The following CDH13 variants were observed in gnomAD, a reference collection of about 807,000 sequenced individuals.
CDH13 encodes cadherin-13.
Under a neutral mutation model 63.8 loss-of-function variants are expected in CDH13, and 24 were observed. The observed-to-expected ratio is 0.38, with a 90% CI of 0.27 to 0.53. The LOEUF is 0.53. CDH13 is among the 20% of genes least tolerant of loss of function. CDH13 has a pLI of 0.85. For synonymous variants in CDH13, 503 were observed against 355.3 expected (o/e 1.42, Z -4.67); for missense variants, 1,049 against 903.1 (o/e 1.16, Z -2.07).
intron 10 of CDH13, among the ~76,000 whole-genome samples, chr16:83,728,622 T>G (rs1189176591): frequency 6.6e-6 from 1 of 152,138 alleles, no homozygotes; most frequent in Admixed American, 6.5e-5. Context: ...AATAAGCGTG[T>G]CTCTCGGCCT....
intron 4 of CDH13, among the ~76,000 whole-genome samples, chr16:83,129,920 T>G (rs893037521): frequency 1.3e-5 from 2 of 152,198 alleles, no homozygotes; most frequent in Non-Finnish European, 2.9e-5. Flanking sequence ...TTTCCTGAAC[T>G]AGCATTCTCA....
intron 10 of CDH13, among the ~76,000 whole-genome samples, chr16:83,693,217 G>T (rs1873915055): frequency 6.6e-6 from 1 of 152,176 alleles, no homozygotes; most frequent in Non-Finnish European, 1.5e-5. Context: ...ATCTCTCTGG[G>T]CCTCAGTGTC....
chr16:82,707,375 C>G (rs963961816), intron 1 of CDH13, among the ~76,000 whole-genome samples: 5 of 152,152 alleles, frequency 3.3e-5, no homozygotes, highest in African/African-American at 1.2e-4. Flanking sequence ...AGGTGCAATA[C>G]AGGCACTGGC....
chr16:83,463,346 T>G (rs1567689538), intron 6 of CDH13, among the ~76,000 whole-genome samples: 1 of 152,172 alleles, frequency 6.6e-6, no homozygotes, highest in Admixed American at 6.5e-5. Context: ...TTTCTTCCCA[T>G]TATCTCTATC....
intron 1 of CDH13, among the ~76,000 whole-genome samples, chr16:82,725,402 G>A (rs995719712): frequency 1.3e-5 from 2 of 152,152 alleles, no homozygotes; most frequent in African/African-American, 4.8e-5. Flanking sequence ...TGGACTGTCT[G>A]GCTTACAAGC....
At chr16:83,311,218 C>G (rs2089992958) in intron 5 of CDH13, among the ~76,000 whole-genome samples, 1 of 152,176 alleles carries the variant, frequency 6.6e-6, no homozygotes, top group Non-Finnish European at 1.5e-5. Flanking sequence ...TCTTGGTTGT[C>G]TGTCCCCATT....
intron 5 of CDH13, among the ~76,000 whole-genome samples, chr16:83,258,057 T>G (rs1376741053): frequency 6.6e-6 from 1 of 152,246 alleles, no homozygotes; most frequent in Non-Finnish European, 1.5e-5. Flanking sequence ...TACTCTTGGT[T>G]AAATGCATAA....
chr16:83,713,773 C>G (rs1234812072), intron 10 of CDH13, among the ~76,000 whole-genome samples: 1 of 152,174 alleles, frequency 6.6e-6, no homozygotes, highest in Non-Finnish European at 1.5e-5. Context: ...AGAGCAGACA[C>G]CAGCCAATCA....
At chr16:83,407,306 A>T (rs1325909115) in intron 6 of CDH13, among the ~76,000 whole-genome samples, 13 of 152,242 alleles carry the variant, frequency 8.5e-5, no homozygotes, top group Admixed American at 8.5e-4. Context: ...AAATACACAC[A>T]GTTGAAATAT....
At chr16:82,634,791 C>A (rs1245523624) in intron 1 of CDH13, among the ~76,000 whole-genome samples, 1 of 152,182 alleles carries the variant, frequency 6.6e-6, no homozygotes, top group African/African-American at 2.4e-5. Context: ...GAAGTTCAGC[C>A]GTTGGGGACT....
At chr16:82,738,577 A>G (rs1023807780) in intron 1 of CDH13, among the ~76,000 whole-genome samples, 3 of 152,160 alleles carry the variant, frequency 2.0e-5, no homozygotes, top group African/African-American at 7.2e-5. Context: ...GCACTTTTAC[A>G]CTTTTCTCCA....
chr16:83,197,550 C>G (rs1324173885), intron 4 of CDH13, among the ~76,000 whole-genome samples: 1 of 152,076 alleles, frequency 6.6e-6, no homozygotes, highest in Non-Finnish European at 1.5e-5. Flanking sequence ...TCCCCACCCT[C>G]AATTAAATGA....
At chr16:83,305,302 A>T (rs2089848866) in intron 5 of CDH13, among the ~76,000 whole-genome samples, 1 of 152,216 alleles carries the variant, frequency 6.6e-6, no homozygotes, top group South Asian at 2.1e-4. Flanking sequence ...GAAATTCCTT[A>T]ACATATTTAT....
intron 2 of CDH13, among the ~76,000 whole-genome samples, chr16:83,013,942 A>C (rs1241552408): frequency 6.6e-6 from 1 of 152,186 alleles, no homozygotes; most frequent in Non-Finnish European, 1.5e-5. Flanking sequence ...AACAGAAAGA[A>C]ACATCAGCCT....
intron 6 of CDH13, among the ~76,000 whole-genome samples, chr16:83,467,871 C>T (rs1196202482): frequency 6.6e-6 from 1 of 152,158 alleles, no homozygotes; most frequent in African/African-American, 2.4e-5. Context: ...AGCACAGTAC[C>T]CTGGGCAGCA....
chr16:83,784,085 C>G (rs1056397602), intron 13 of CDH13, among the ~76,000 whole-genome samples: 2 of 152,178 alleles, frequency 1.3e-5, no homozygotes, highest in African/African-American at 2.4e-5. Flanking sequence ...TTATGAAATA[C>G]TAGTCCAATG....
chr16:82,876,632 A>G (rs1174236310), intron 2 of CDH13, among the ~76,000 whole-genome samples: 2 of 152,208 alleles, frequency 1.3e-5, no homozygotes, highest in Non-Finnish European at 2.9e-5. Flanking sequence ...TGGACCACAC[A>G]TTTAGTGTTA....
rs1263843216 is a variant in CDH13 at position 82,855,180 on chromosome 16, C to A, written c.46-3182C>A. On this transcript the variant is annotated intron_variant, in intron 1 of 13. Transcript: ENST00000567109. ...TCCCCTCTTCCCTAAGAGTCAGCAG[C>A]TGGAAAAGGTTTATTTATTTTTTTT... is the stretch of plus-strand genomic sequence containing the variant. Among the ~76,000 whole-genome samples, 2 of 152,294 alleles carry A rather than the reference C, an allele frequency of 1.3e-5. 1 individual carries two copies. The highest frequency in any genetic ancestry group is 4.1e-4 in the South Asian group (2 of 4,820).
At chr16:82,921,489 A>C (rs190899553) in intron 2 of CDH13, among the ~76,000 whole-genome samples, 47 of 152,328 alleles carry the variant, frequency 3.1e-4, no homozygotes, top group Middle Eastern at 6.8e-3. Context: ...CCACCTGAAT[A>C]ACCTAGGATC....
Sources: gnomAD v4.1 joint callset for allele counts (sites outside exome capture counted in the v4.1 genomes callset) on GRCh38, gnomAD v4.1.1 for gene constraint, MANE v1.5 for transcripts, NCBI Gene and HGNC (gene_info 2026-07-23, HGNC 2026-07-21) for gene names.